The following PTPN13 variants were observed in gnomAD, a reference collection of about 807,000 sequenced individuals.
The protein encoded by PTPN13 is tyrosine-protein phosphatase non-receptor type 13.
In PTPN13, 191 loss-of-function variants were observed where a neutral mutation model predicts 284.0. The ratio of observed to expected loss-of-function variants is 0.67; its 90% CI spans 0.60 to 0.76. The LOEUF (loss-of-function observed/expected upper bound fraction) is 0.76, where lower values mean the gene tolerates loss of function less well. Ranked by LOEUF, PTPN13 falls within the 30% of genes least tolerant of loss-of-function variation. The probability of loss-of-function intolerance (pLI) is 0.00; values close to 1 mark genes in which losing one functional copy is unlikely to be tolerated. For missense variants in PTPN13, 2,797 were observed against 2,939.9 expected, an observed-to-expected ratio of 0.95 and a Z score of 1.12; for synonymous variants, 986 against 1,022.3, an observed-to-expected ratio of 0.96 and a Z score of 0.68.
Position 86,730,458 on chromosome 4 carries a change from C to T in PTPN13, c.1609-1942C>T, listed in dbSNP as rs1415873220. Among the ~76,000 whole-genome samples, 2 of 149,778 alleles carry T rather than the reference C, an allele frequency of 1.3e-5. 1 individual carries two copies. The highest frequency in any genetic ancestry group is 3.0e-5 in the Non-Finnish European group (2 of 66,684). On this transcript the variant is annotated intron_variant, in intron 10 of 47. Transcript: ENST00000411767. ...AGGCCTTGCTGAGCTGCGGTGGGCT[C>T]CACCCACTTCGAGGTTCCCAGCCGT...
At chr4:86,758,201 C>T (rs776832465) in intron 20 of PTPN13, 59 bp from the exon 21 acceptor site, 97 of 1,181,542 alleles carry the variant, frequency 8.2e-5, no homozygotes, top group Middle Eastern at 2.0e-4. Flanking sequence ...TTAAAACAAG[C>T]TGACAGTCTT....
Position 86,732,136 on chromosome 4 carries a change from G to T in PTPN13, c.1609-264G>T, listed in dbSNP as rs145146266. ...CCCTGTAAAACAGTGTAAAAGTGAG[G>T]CATTATGTTTGACATCAATAGTAGA... On this transcript the variant is annotated intron_variant, in intron 10 of 47. Coordinates refer to ENST00000411767, the MANE Select transcript of PTPN13 (RefSeq NM_080683.3). 4.8e-3 allele frequency among the ~76,000 whole-genome samples: 733 copies of T among 152,208 alleles called. 4 individuals carry two copies. The highest frequency in any genetic ancestry group is 0.016 in the African/African-American group (670 of 41,524).
chr4:86,606,087 T>C (rs1429679478), intron 1 of PTPN13, among the ~76,000 whole-genome samples: 2 of 151,906 alleles, frequency 1.3e-5, no homozygotes, highest in African/African-American at 4.8e-5. Flanking sequence ...ATTTTTTTAG[T>C]AGTTTCTAAA....
chr4:86,799,870 C>G (rs1293815754), intron 42 of PTPN13, among the ~76,000 whole-genome samples: 1 of 116,984 alleles, frequency 8.5e-6, no homozygotes, highest in African/African-American at 3.3e-5. Context: ...GAGTCTCTCT[C>G]TGTCGTCCAG....
In PTPN13 at chr4:86,718,751, T is replaced by G. The variant is rs11940149; in HGVS notation, c.1385+1634T>G. On this transcript the variant is annotated intron_variant, in intron 9 of 47. Coordinates refer to ENST00000411767, the MANE Select transcript of PTPN13 (RefSeq NM_080683.3). ...CAGGTGGGAGCCACTGCACCTGGCC[T>G]AAAGGTCCACTTTTAATTAAAGTTG... Among the ~76,000 whole-genome samples the G allele has an allele frequency of 6.4e-3, 975 of 152,338 alleles. 9 individuals carry two copies. The highest frequency in any genetic ancestry group is 0.021 in the African/African-American group (875 of 41,584).
chr4:86,624,052 CT>C (rs1358436174), intron 1 of PTPN13, among the ~76,000 whole-genome samples: 5 of 152,094 alleles, frequency 3.3e-5, no homozygotes, highest in African/African-American at 1.2e-4. Context: ...GAATAAAAAC[CT>C]AGCACCTATC....
At chr4:86,707,902 A>G (rs1190705207) in intron 7 of PTPN13, among the ~76,000 whole-genome samples, 1 of 152,216 alleles carries the variant, frequency 6.6e-6, no homozygotes, top group Admixed American at 6.5e-5. Flanking sequence ...AATCTTAAGT[A>G]TTAGATTATA....
chr4:86,664,930 T>C (rs958243415), intron 2 of PTPN13, among the ~76,000 whole-genome samples: 5 of 151,756 alleles, frequency 3.3e-5, no homozygotes, highest in African/African-American at 1.2e-4. Flanking sequence ...TTACTTTTAA[T>C]AATAACCAAT....
intron 9 of PTPN13, 95 bp downstream of exon 9, chr4:86,717,212 G>A (rs556373527): frequency 2.3e-5 from 17 of 747,424 alleles, no homozygotes; most frequent in Admixed American, 1.3e-4. Flanking sequence ...TTTTTGAGAC[G>A]GAGTCTTGCT....
intron 6 of PTPN13, among the ~76,000 whole-genome samples, chr4:86,697,508 G>C (rs759421193): frequency 6.6e-6 from 1 of 152,032 alleles, no homozygotes; most frequent in Non-Finnish European, 1.5e-5. Context: ...GCCTAAACTA[G>C]TGGGCTCTCT....
chr4:86,799,328 T>C (rs904071790), intron 42 of PTPN13, 124 bp downstream of exon 42: 6 of 585,250 alleles, frequency 1.0e-5, no homozygotes, highest in African/African-American at 2.0e-5. Flanking sequence ...TTTTTTTTTT[T>C]TTTTTCTTTT....
At chr4:86,779,457 T>C (rs1446491266) in intron 35 of PTPN13, among the ~76,000 whole-genome samples, 2 of 151,926 alleles carry the variant, frequency 1.3e-5, no homozygotes, top group Non-Finnish European at 2.9e-5. Flanking sequence ...CCTGTGGATT[T>C]GTACACATGC....
At chr4:86,622,758 A>G (rs1377385942) in intron 1 of PTPN13, among the ~76,000 whole-genome samples, 2 of 152,144 alleles carry the variant, frequency 1.3e-5, no homozygotes, top group African/African-American at 4.8e-5. Context: ...GTACTACTTT[A>G]GAGTCTCATG....
chr4:86,809,435 C>T (rs749658473), intron 45 of PTPN13, among the ~76,000 whole-genome samples: 13 of 152,128 alleles, frequency 8.5e-5, no homozygotes, highest in Admixed American at 3.9e-4. Context: ...CAGTGGCTCA[C>T]GCCTGTAATC....
intron 3 of PTPN13, among the ~76,000 whole-genome samples, chr4:86,682,839 T>C (rs17011988): frequency 0.053 from 8,090 of 152,278 alleles, 306 homozygotes; most frequent in African/African-American, 0.084. Flanking sequence ...TACCCTGTAC[T>C]GACTGTTTGG....
rs1222358732 is a variant in PTPN13 at position 86,744,997 on chromosome 4, A to T, written c.2519A>T (p.Asp840Val). The change falls in exon 17 of 48, where the codon GAT becomes GTT. Residue 840 changes from aspartate (D) to valine (V), a missense_variant. Transcript: ENST00000411767. ...KKKITLQNTS[D>V]GIKHGFQTDN... ...AAAATCACATTGCAAAATACATCAG[A>T]TGGAATAAAACATGGCTTCCAGACA... 2 of 1,590,916 alleles carry T rather than the reference A, an allele frequency of 1.3e-6. No individual in the cohort carries two copies. The highest frequency in any genetic ancestry group is 2.7e-5 in the African/African-American group (2 of 74,482).
chr4:86,786,505 A>G lies in PTPN13; in HGVS notation c.6345+569A>G, dbSNP rs78761160. ...TTAAATATTTACAAATAATGTGTAT[A>G]TATACAAGGAAGCTTACGGCTGATA... On this transcript the variant is annotated intron_variant, in intron 40 of 47. Coordinates refer to ENST00000411767, the MANE Select transcript of PTPN13 (RefSeq NM_080683.3). 5.3e-3 allele frequency among the ~76,000 whole-genome samples: 807 copies of G among 152,318 alleles called. 11 individuals are homozygous for G. Among genetic ancestry groups the G allele is most frequent in the African/African-American group, 0.018 (754 of 41,578 alleles).
chr4:86,792,812 C>A (rs1428539288), intron 40 of PTPN13, among the ~76,000 whole-genome samples: 2 of 152,126 alleles, frequency 1.3e-5, no homozygotes, highest in Non-Finnish European at 2.9e-5. Context: ...CAAATGCTAA[C>A]AGATTTTGTC....
chr4:86,791,362 C>G (rs1295017577), intron 40 of PTPN13, among the ~76,000 whole-genome samples: 1 of 152,212 alleles, frequency 6.6e-6, no homozygotes, highest in Non-Finnish European at 1.5e-5. Context: ...TTGAACAGGG[C>G]AGAGCCCACC....
Sources: allele counts gnomAD v4.1 joint callset (sites outside exome capture counted in the v4.1 genomes callset), GRCh38; gene constraint gnomAD v4.1.1; transcripts MANE v1.5; gene names NCBI Gene and HGNC (gene_info 2026-07-23, HGNC 2026-07-21).